Variants in CHM observed in about 807,000 individuals in gnomAD.
CHM encodes the protein CHM Rab escort protein, also known as rab proteins geranylgeranyltransferase component A 1.
In CHM, 10 loss-of-function variants were observed where a neutral mutation model predicts 49.0. That is an observed-to-expected ratio of 0.20 (90% CI 0.13 to 0.35). CHM has a LOEUF of 0.35. Among genes scored for constraint, CHM ranks in the 10% least tolerant of loss-of-function variants. CHM has a pLI of 1.00. For synonymous variants in CHM, 184 were observed against 167.5 expected (o/e 1.10, Z -0.76); for missense variants, 455 against 478.4 (o/e 0.95, Z 0.46).
chrX:85,917,350 C>A (rs1927516744), intron 8 of CHM, among the ~76,000 whole-genome samples: 1 of 111,193 alleles, frequency 9.0e-6, no homozygotes, highest in South Asian at 3.8e-4. Context: ...GGGTACTAGG[C>A]TTAATACCTG....
intron 1 of CHM, among the ~76,000 whole-genome samples, chrX:86,035,880 G>A (rs1030052063): frequency 2.1e-5 from 2 of 94,247 alleles, no homozygotes; most frequent in African/African-American, 4.0e-5. Context: ...TGCAACCTCC[G>A]CCTCCCGGGT....
chrX:86,021,182 A>ACG (rs1199606909), intron 2 of CHM, among the ~76,000 whole-genome samples: 1 of 91,835 alleles, frequency 1.1e-5, no homozygotes, highest in Admixed American at 1.3e-4. Context: ...GTGTATATAT[A>ACG]TATATATATG....
intron 3 of CHM, among the ~76,000 whole-genome samples, chrX:85,980,515 A>G (rs1439145292): frequency 8.9e-6 from 1 of 112,377 alleles, no homozygotes; most frequent in East Asian, 2.8e-4. Context: ...TGATTAAGTC[A>G]TGTACATTGA....
chrX:86,021,144 A>G (rs1395458428), intron 2 of CHM, among the ~76,000 whole-genome samples: 3 of 52,874 alleles, frequency 5.7e-5, no homozygotes, highest in African/African-American at 2.5e-4. Context: ...ATATATATAT[A>G]TATATATATA....
intron 4 of CHM, among the ~76,000 whole-genome samples, chrX:85,973,171 T>TCCACCA (rs1931045586): frequency 1.9e-5 from 2 of 105,977 alleles, no homozygotes; most frequent in Admixed American, 1.0e-4. Flanking sequence ...TGGTGGCACG[T>TCCACCA]GCCTGTAGTC....
chrX:85,913,605 T>C (rs1184099349), intron 8 of CHM, among the ~76,000 whole-genome samples: 1 of 110,332 alleles, frequency 9.1e-6, no homozygotes, highest in Admixed American at 9.7e-5. Flanking sequence ...AATGCAGCCC[T>C]GCCAACCAGT....
intron 9 of CHM, among the ~76,000 whole-genome samples, chrX:85,906,160 G>A (rs1569407878): frequency 9.0e-6 from 1 of 111,575 alleles, no homozygotes; most frequent in Non-Finnish European, 1.9e-5. Flanking sequence ...GTAGAGACAG[G>A]AAAAAAACGA....
chrX:86,043,271 C>A (rs1217071842), intron 1 of CHM, among the ~76,000 whole-genome samples: 1 of 111,756 alleles, frequency 8.9e-6, no homozygotes, highest in African/African-American at 3.3e-5. Flanking sequence ...TTATCATACA[C>A]CATGCTGCCA....
chrX:86,005,480 G>GT (rs1284000884), intron 2 of CHM, among the ~76,000 whole-genome samples: 1 of 111,515 alleles, frequency 9.0e-6, no homozygotes, highest in African/African-American at 3.3e-5. Context: ...CCAGGGGCTG[G>GT]TTTTTTGAAA....
intron 8 of CHM, among the ~76,000 whole-genome samples, chrX:85,943,254 AC>A (rs1261884289): frequency 1.8e-5 from 2 of 110,868 alleles, no homozygotes; most frequent in Non-Finnish European, 3.8e-5. Context: ...CAAGAAAAAA[AC>A]AACCCCATCA....
At chrX:85,989,735 GA>G (rs146124409) in intron 2 of CHM, among the ~76,000 whole-genome samples, 4 of 109,814 alleles carry the variant, frequency 3.6e-5, no homozygotes, top group African/African-American at 6.6e-5. Flanking sequence ...ATAGCATATG[GA>G]AAAAAAACTC....
At chrX:86,013,726 T>C (rs757223102) in intron 2 of CHM, among the ~76,000 whole-genome samples, 211 of 44,977 alleles carry the variant, frequency 4.7e-3, no homozygotes, top group African/African-American at 9.4e-3. Context: ...GGAACAAGAC[T>C]TCGTCTCAAA....
At chrX:85,872,023 G>A (rs1924105019) in intron 14 of CHM, among the ~76,000 whole-genome samples, 1 of 111,750 alleles carries the variant, frequency 8.9e-6, no homozygotes, top group Non-Finnish European at 1.9e-5. Context: ...TTTGTTTGGT[G>A]TCACTGGCTG....
intron 2 of CHM, among the ~76,000 whole-genome samples, chrX:86,008,019 A>G (rs1474843008): frequency 1.8e-5 from 2 of 112,176 alleles, no homozygotes; most frequent in African/African-American, 6.5e-5. Flanking sequence ...AATGTCCAAC[A>G]ATGACAGACT....
chrX:85,907,677 C>T (rs1926686109), intron 9 of CHM, among the ~76,000 whole-genome samples: 2 of 111,768 alleles, frequency 1.8e-5, no homozygotes, highest in African/African-American at 3.2e-5. Flanking sequence ...CCTATTTCTT[C>T]GGTCAAAGTT....
intron 7 of CHM, among the ~76,000 whole-genome samples, chrX:85,956,773 AAT>A (rs1930031456): frequency 9.0e-6 from 1 of 111,726 alleles, no homozygotes; most frequent in Admixed American, 9.5e-5. Flanking sequence ...TAAAATGATA[AAT>A]ATGTGAGTTT....
chrX:85,898,765 C>T (rs1926068963), intron 11 of CHM, among the ~76,000 whole-genome samples: 1 of 112,087 alleles, frequency 8.9e-6, no homozygotes, highest in Admixed American at 9.5e-5. Context: ...CATGCTCATA[C>T]TTGTCACTCT....
chrX:86,006,625 A>G (rs1327885001), intron 2 of CHM, among the ~76,000 whole-genome samples: 1 of 111,680 alleles, frequency 9.0e-6, no homozygotes, highest in African/African-American at 3.3e-5. Flanking sequence ...AATAACAGAC[A>G]GAGAGCCAAA....
intron 2 of CHM, among the ~76,000 whole-genome samples, chrX:85,992,217 C>A (rs1361936624): frequency 9.0e-6 from 1 of 111,675 alleles, no homozygotes; most frequent in African/African-American, 3.2e-5. Flanking sequence ...TATTTTGTTA[C>A]CCCAATTCAT....
Sources: gnomAD v4.1 joint callset for allele counts (sites outside exome capture counted in the v4.1 genomes callset) on GRCh38, gnomAD v4.1.1 for gene constraint, MANE v1.5 for transcripts, NCBI Gene and HGNC (gene_info 2026-07-23, HGNC 2026-07-21) for gene names.